The following HMGN1 variants were observed in gnomAD, a reference collection of about 807,000 sequenced individuals.
HMGN1 encodes high mobility group nucleosome binding domain 1.
In HMGN1, 9 loss-of-function variants were observed where a neutral mutation model predicts 18.4. The ratio of observed to expected loss-of-function variants is 0.49; its 90% CI spans 0.29 to 0.85. The LOEUF is 0.85. Ranked by LOEUF, HMGN1 falls within the 40% of genes least tolerant of loss-of-function variation. The pLI is 0.07. For missense variants in HMGN1, 151 were observed against 119.2 expected, an observed-to-expected ratio of 1.27 and a Z score of -1.24; for synonymous variants, 59 against 45.0, an observed-to-expected ratio of 1.31 and a Z score of -1.24.
intron 4 of HMGN1, chr21:39,346,514 T>C (rs741795): frequency 0.4 from 61,242 of 152,490 alleles, 12,593 homozygotes; most frequent in Middle Eastern, 0.46. Context: ...ATACATAATA[T>C]CTTGGACTTG....
chr21:39,347,291 TTC>T (rs2037089888), intron 4 of HMGN1: 4 of 938,512 alleles, frequency 4.3e-6, no homozygotes, highest in South Asian at 2.1e-5. Context: ...AAACAGAACT[TTC>T]TGTTAAAGAA....
intron 4 of HMGN1, chr21:39,345,691 TC>T (rs1242360162): frequency 1.9e-6 from 1 of 524,366 alleles, no homozygotes; most frequent in East Asian, 6.8e-5. Flanking sequence ...TCCCTACAGT[TC>T]CACATGACAG....
intron 5 of HMGN1, 25 bp from the exon 6 acceptor site, chr21:39,343,184 C>G (rs752088776): frequency 2.5e-6 from 4 of 1,582,870 alleles, no homozygotes; most frequent in Non-Finnish European, 3.4e-6. Flanking sequence ...AAATTGAGAT[C>G]TTTAGCATTT....
At chr21:39,348,706 T>G in intron 1 of HMGN1, 129 bp from the exon 2 acceptor site, 1 of 1,197,844 alleles carries the variant, frequency 8.3e-7, no homozygotes, top group Admixed American at 3.4e-5. Flanking sequence ...AATAGCCCCC[T>G]CAGCTCCCCC....
At chr21:39,346,428 G>GA (rs3216359) in intron 4 of HMGN1, 47,192 of 154,660 alleles carry the variant, frequency 0.31, 7,588 homozygotes, top group Middle Eastern at 0.36. Flanking sequence ...TTTGTAGTCT[G>GA]TTTCTAAAGA....
chr21:39,346,396 T>C (rs138483188), intron 4 of HMGN1: 3 of 163,930 alleles, frequency 1.8e-5, no homozygotes, highest in African/African-American at 7.2e-5. Flanking sequence ...TCACAATCAC[T>C]TCTGTATTTA....
At chr21:39,345,406 G>A (rs1011525347) in intron 4 of HMGN1, 132 bp from the exon 5 acceptor site, 20 of 810,138 alleles carry the variant, frequency 2.5e-5, no homozygotes, top group Non-Finnish European at 3.4e-5. Context: ...TTTGAGAGAG[G>A]GACATCTCAC....
intron 2 of HMGN1, 32 bp downstream of exon 2, chr21:39,348,513 C>G (rs754200486): frequency 5.0e-6 from 8 of 1,613,580 alleles, no homozygotes; most frequent in African/African-American, 1.3e-5. Context: ...TCACGGGAAA[C>G]CCACCACCCC....
intron 5 of HMGN1, chr21:39,344,399 T>C (rs1223335216): frequency 2.0e-5 from 3 of 152,166 alleles, no homozygotes; most frequent in Non-Finnish European, 4.4e-5. Context: ...CATCAAATAC[T>C]TAAGTGATAT....
At chr21:39,346,184 T>G (rs186140097) in intron 4 of HMGN1, 1 of 352,546 alleles carries the variant, frequency 2.8e-6, no homozygotes, top group African/African-American at 2.1e-5. Flanking sequence ...ATTACTTGAA[T>G]TAAAGGGCCA....
intron 1 of HMGN1, 126 bp from the exon 2 acceptor site, chr21:39,348,703 C>A (rs1037898956): frequency 5.6e-5 from 68 of 1,208,986 alleles, no homozygotes; most frequent in Non-Finnish European, 7.1e-5. Flanking sequence ...TCGAATAGCC[C>A]CCTCAGCTCC....
chr21:39,345,020 G>A (rs1018983950), intron 5 of HMGN1, 126 bp downstream of exon 5: 48 of 1,161,416 alleles, frequency 4.1e-5, no homozygotes, highest in African/African-American at 4.1e-4. Flanking sequence ...TTGGGATACC[G>A]TACAAAACTT....
At chr21:39,345,523 C>A in intron 4 of HMGN1, 1 of 537,082 alleles carries the variant, frequency 1.9e-6, no homozygotes, top group South Asian at 2.1e-5. Flanking sequence ...TCAGTTGATA[C>A]ACCTATTACA....
chr21:39,345,403 G>A, intron 4 of HMGN1, 129 bp from the exon 5 acceptor site: 2 of 827,350 alleles, frequency 2.4e-6, no homozygotes, highest in East Asian at 2.6e-5. Flanking sequence ...AGGTTTGAGA[G>A]AGGGACATCT....
intron 4 of HMGN1, chr21:39,347,139 A>C (rs142261487): frequency 6.8e-4 from 118 of 172,470 alleles, no homozygotes; most frequent in African/African-American, 2.6e-3. Flanking sequence ...AAGGTCAGCT[A>C]ATTTTTTAGG....
chr21:39,348,363 G>A, intron 3 of HMGN1, 24 bp from the exon 4 acceptor site: 1 of 1,614,204 alleles, frequency 6.2e-7, no homozygotes. Context: ...GCAGCACTGA[G>A]CGTCCTCACC....
intron 5 of HMGN1, 127 bp from the exon 6 acceptor site, chr21:39,343,286 T>TA (rs2036928330): frequency 2.2e-6 from 2 of 918,350 alleles, no homozygotes; most frequent in South Asian, 3.5e-5. Flanking sequence ...CTACTCTTGT[T>TA]AAAAAACTTT....
At position 39,345,214 on chromosome 21, in the gene HMGN1, C is replaced by T. The variant is rs575102980; in HGVS notation, c.187G>A (p.Ala63Thr). The change falls in exon 5 of 6, where the codon GCC becomes ACC. Residue 63 changes from alanine to threonine, a missense_variant. Coordinates refer to ENST00000380749, the MANE Select transcript of HMGN1 (RefSeq NM_004965.7). ...KGKRGAKGKQAEVANQETKED... is the reference protein window; with the variant it reads ...KGKRGAKGKQTEVANQETKED... Reference sequence around the variant, plus strand: ...TTAGTTTCTTGGTTAGCCACTTCGGCCTGTTTTCCCTTTGCTCCCCTTTTC... The same window carrying T: ...TTAGTTTCTTGGTTAGCCACTTCGGTCTGTTTTCCCTTTGCTCCCCTTTTC... 253 of 1,613,704 alleles carry T rather than the reference C, an allele frequency of 1.6e-4. 2 individuals carry two copies. The South Asian group carries it at 2.6e-3, about 17-fold the overall frequency.
In HMGN1 at chr21:39,348,552, T is replaced by A; in HGVS notation, c.41A>T (p.Lys14Met). The part of the protein sequence containing the change: ...RKVSSAEGAA[K>M]EEPKRRSARL... ...CAGAAGGCCCGCACTCACCTCTTCCTTGGCGGCGCCTTCGGCGGAGCTGAC... is the reference window on the plus strand; with the variant it reads ...CAGAAGGCCCGCACTCACCTCTTCCATGGCGGCGCCTTCGGCGGAGCTGAC... Residue 14 changes from lysine to methionine, a missense_variant, in exon 2 of 6, where the codon AAG becomes ATG. Physicochemically the swap from Lys to Met is moderately conservative, Grantham distance 95. Coordinates refer to ENST00000380749, the MANE Select transcript of HMGN1 (RefSeq NM_004965.7). 6.2e-7 allele frequency: 1 copy of A among 1,612,900 alleles called. No individual in the cohort carries two copies. Among genetic ancestry groups the A allele is most frequent in the East Asian group, 2.2e-5 (1 of 44,838 alleles).
Sources: allele counts gnomAD v4.1 joint callset, GRCh38; gene constraint gnomAD v4.1.1; transcripts MANE v1.5; gene names NCBI Gene and HGNC (gene_info 2026-07-23, HGNC 2026-07-21).